TTC13: variants seen among roughly 807,000 people sequenced by gnomAD.
TTC13 encodes tetratricopeptide repeat domain 13.
A neutral mutation model predicts 120.0 loss-of-function variants in TTC13; 62 were observed. The observed-to-expected ratio is 0.52, with a 90% CI of 0.42 to 0.64. TTC13 has a LOEUF of 0.64. TTC13 is among the 30% of genes least tolerant of loss of function. The pLI is 0.00. For synonymous variants in TTC13, 384 were observed against 393.5 expected (o/e 0.98, Z 0.28); for missense variants, 824 against 1,050.2 (o/e 0.78, Z 2.98).
At position 230,933,734 on chromosome 1, in the gene TTC13, A is replaced by G. The variant is rs780175856; in HGVS notation, c.983+45T>C. 12 of 1,070,662 alleles carry G rather than the reference A, an allele frequency of 1.1e-5. No individual in the cohort carries two copies. In the East Asian group the frequency reaches 2.0e-4, roughly 18 times the overall value. The allele number at this position is 1,070,662 out of a possible 1,614,324, so 66.3% of individuals were successfully genotyped here. A position where few individuals can be genotyped will look rare whatever the true frequency, so the allele number is the denominator to read the frequency against. ...TTATGTGAAGCTATCTTGTCTCCCC[A>G]CTCTTCAGCCTCCCTCCTACCCCAA... On this transcript the variant is annotated intron_variant, in intron 9 of 22. Coordinates refer to ENST00000366661, the MANE Select transcript of TTC13 (RefSeq NM_024525.5).
intron 20 of TTC13, among the ~76,000 whole-genome samples, chr1:230,910,934 C>T (rs571555678): frequency 6.6e-6 from 1 of 152,210 alleles, no homozygotes; most frequent in South Asian, 2.1e-4. Flanking sequence ...ATTTACTGCA[C>T]ACAGTGCTGG....
At position 230,931,980 on chromosome 1, in the gene TTC13, T is replaced by C. The variant is rs529803467; in HGVS notation, c.984-103A>G. ...GGACCAATATGTAAACAAGATACCT[T>C]GATGGGAGTGTTCCCTTTGTTGCTT... On this transcript the variant is annotated intron_variant, in intron 9 of 22. Transcript: ENST00000366661. 1,495 of 1,116,106 alleles carry C rather than the reference T, an allele frequency of 1.3e-3. 2 individuals carry two copies. Among genetic ancestry groups the C allele is most frequent in the Non-Finnish European group, 1.7e-3 (1,339 of 777,262 alleles). The allele number at this position is 1,116,106 out of a possible 1,614,324, so 69.1% of individuals were successfully genotyped here.
Position 230,945,453 on chromosome 1 carries a change from T to C in TTC13, c.515A>G (p.Glu172Gly). The C allele has an allele frequency of 6.2e-7, 1 of 1,614,054 alleles. No homozygotes were observed. The highest frequency in any genetic ancestry group is 8.5e-7 in the Non-Finnish European group (1 of 1,179,936). ...AATTGCACTAACCAGATCAGGCTCC[T>C]CCTAGTCAGACCAAAACAAAAACAC... ...AIRHFSTMLQ[E>G]EPDLVSAIYG... is the part of the protein sequence containing the mutation. Residue 172 changes from glutamate to glycine, a missense_variant and splice_region_variant, in exon 5 of 23, where the codon GAG becomes GGG. Around this residue, in one of 4 missense-constraint regions of TTC13, gnomAD observed 430 missense variants for 626.8 expected, o/e 0.69. Transcript: ENST00000366661.
intron 8 of TTC13, among the ~76,000 whole-genome samples, chr1:230,937,990 T>G (rs191834613): frequency 0.014 from 2,098 of 152,304 alleles, 34 homozygotes; most frequent in Non-Finnish European, 0.02. Flanking sequence ...AGCACCTACT[T>G]TGTGACAGGC....
At chr1:230,930,335 T>C (rs1673422434) in intron 11 of TTC13, among the ~76,000 whole-genome samples, 1 of 152,188 alleles carries the variant, frequency 6.6e-6, no homozygotes, top group South Asian at 2.1e-4. Context: ...TCCACTTCTT[T>C]GATTTTCACT....
Position 230,911,491 on chromosome 1 carries a change from A to G in TTC13, c.2288T>C (p.Met763Thr), listed in dbSNP as rs771336830. The G allele has an allele frequency of 6.2e-7, 1 of 1,602,422 alleles. No homozygotes were observed. Among genetic ancestry groups the G allele is most frequent in the Admixed American group, 1.7e-5 (1 of 57,816 alleles). ...LSLVYYFYNL[M>T]PLSRGSSVIA... ...TTACCTGGATCCTCGAGAGAGTGGC[A>G]TTAAATTATAAAAGTAATAAACTAA... Residue 763 changes from methionine (M) to threonine (T), a missense_variant, in exon 20 of 23, where the codon ATG becomes ACG. Met to Thr is a moderately conservative substitution (Grantham distance 81). Coordinates refer to ENST00000366661, the MANE Select transcript of TTC13 (RefSeq NM_024525.5).
At chr1:230,962,334 T>G (rs1253293877) in intron 1 of TTC13, among the ~76,000 whole-genome samples, 1 of 152,076 alleles carries the variant, frequency 6.6e-6, no homozygotes, top group African/African-American at 2.4e-5. Flanking sequence ...ATTGAGCACA[T>G]GAAAAGTTGC....
rs1404865671 is a variant in TTC13 at position 230,944,372 on chromosome 1, T to C, written c.580-474A>G. Among the ~76,000 whole-genome samples the C allele has an allele frequency of 1.3e-5, 2 of 152,218 alleles. No homozygotes were observed. The highest frequency in any genetic ancestry group is 1.3e-4 in the Admixed American group (2 of 15,284). On this transcript the variant is annotated intron_variant, in intron 5 of 22. Coordinates refer to ENST00000366661, the MANE Select transcript of TTC13 (RefSeq NM_024525.5). This position sits in a 1 kb window ranked among gnomAD's most constrained non-coding sequence, Gnocchi z 4.0. ...TTGCACATTATTTTTACATTAAAAA[T>C]GCATGTGCAACTTTTTATTAAATAT...
rs537935826 is a variant in TTC13, at chr1:230,928,274, C to T, written c.1457+663G>A. On this transcript the variant is annotated intron_variant, in intron 12 of 22. Transcript: ENST00000366661. ...CAATCCATGAACATAGTATTTCTCACCATTTATTTGTTTTATCTTAGTAAC... is the reference window on the plus strand; with the variant it reads ...CAATCCATGAACATAGTATTTCTCATCATTTATTTGTTTTATCTTAGTAAC... 2.7e-4 allele frequency among the ~76,000 whole-genome samples: 41 copies of T among 152,254 alleles called. 1 individual carries two copies. Among genetic ancestry groups the T allele is most frequent in the African/African-American group, 8.9e-4 (37 of 41,542 alleles).
At chr1:230,911,323 TA>T (rs1251963709) in intron 20 of TTC13, 146 bp downstream of exon 20, 55 of 542,184 alleles carry the variant, frequency 1.0e-4, no homozygotes, top group Middle Eastern at 9.4e-4. Flanking sequence ...ACTAAGGAAA[TA>T]TTTTTTTGTG....
chr1:230,940,816 T>C lies in TTC13; in HGVS notation c.673-260A>G, dbSNP rs1310239376. 6.6e-6 allele frequency among the ~76,000 whole-genome samples: 1 copy of C among 152,244 alleles called. No homozygotes were observed. The highest frequency in any genetic ancestry group is 1.9e-4 in the East Asian group (1 of 5,190). Reference sequence around the variant, plus strand: ...TGTCACTATTTCACATTCTGGGTTGTATCAGATGTTGCTTTTCCTGCAATG... The same window carrying C: ...TGTCACTATTTCACATTCTGGGTTGCATCAGATGTTGCTTTTCCTGCAATG... On this transcript the variant is annotated intron_variant, in intron 6 of 22. Transcript: ENST00000366661. The surrounding 1 kb of genome is among the most constrained non-coding windows in gnomAD (Gnocchi z 4.1).
At chr1:230,936,365 A>G in intron 8 of TTC13, 1 of 391,662 alleles carries the variant, frequency 2.6e-6, no homozygotes, top group Non-Finnish European at 5.0e-6. Context: ...ACTGGCTCTG[A>G]ATTAATTTGC....
At chr1:230,907,183 A>C (rs977862032) in intron 22 of TTC13, among the ~76,000 whole-genome samples, 164 bp from the exon 23 acceptor site, 2 of 152,232 alleles carry the variant, frequency 1.3e-5, no homozygotes, top group Non-Finnish European at 2.9e-5. Context: ...GGCTCCTCTC[A>C]CAACAACGGC....
In TTC13 at chr1:230,916,989, A is replaced by AT. The variant is rs57387084; in HGVS notation, c.1984-688dup. Reference sequence around the variant, plus strand: ...AAATTTAGTTAACTTAATATTGCCAATTTTTTTTTTTAATTGATGGACTGG... The same window carrying AT: ...AAATTTAGTTAACTTAATATTGCCAATTTTTTTTTTTTAATTGATGGACTGG... On this transcript the variant is annotated intron_variant, in intron 17 of 22. Transcript: ENST00000366661. 9.3e-3 allele frequency among the ~76,000 whole-genome samples: 1,390 copies of AT among 149,274 alleles called. 13 individuals carry two copies. The highest frequency in any genetic ancestry group is 0.014 in the Non-Finnish European group (935 of 67,044).
intron 18 of TTC13, among the ~76,000 whole-genome samples, chr1:230,915,638 G>C (rs1671940611): frequency 6.6e-6 from 1 of 152,072 alleles, no homozygotes; most frequent in South Asian, 2.1e-4. Context: ...ATAATGTAAT[G>C]GTAAGGGTAA....
chr1:230,962,151 C>T (rs1044193052), intron 1 of TTC13, among the ~76,000 whole-genome samples: 1 of 151,012 alleles, frequency 6.6e-6, no homozygotes, highest in African/African-American at 2.4e-5. Context: ...CAGAGGTTGC[C>T]GTGAGCCGAG....
Position 230,908,999 on chromosome 1 carries a change from G to A in TTC13, c.2331C>T (p.Ile777=), listed in dbSNP as rs150613941. ...TTCCACTTGCCATCAGTGCTCCCAC[G>A]ATGACCGAGTAAGCAATTACACTAT... is the stretch of plus-strand genomic sequence containing the variant. ...RGSSVIAYSV[I]VGALMASGKE... is the part of the protein sequence containing the mutation. The change falls in exon 21 of 23, where the codon ATC becomes ATT. Residue 777 remains isoleucine (I), a synonymous_variant. Coordinates refer to ENST00000366661, the MANE Select transcript of TTC13 (RefSeq NM_024525.5). 9.4e-5 allele frequency: 151 copies of A among 1,613,966 alleles called. No individual in the cohort carries two copies. Among genetic ancestry groups the A allele is most frequent in the African/African-American group, 7.5e-4 (56 of 74,986 alleles).
intron 1 of TTC13, among the ~76,000 whole-genome samples, chr1:230,968,195 C>G (rs1291237490): frequency 3.2e-5 from 4 of 126,686 alleles, no homozygotes; most frequent in Non-Finnish European, 6.8e-5. Flanking sequence ...GGGGGGGGGG[C>G]CTTTTTGTTT....
intron 12 of TTC13, among the ~76,000 whole-genome samples, chr1:230,927,566 G>A (rs1217421985): frequency 6.6e-6 from 1 of 151,962 alleles, no homozygotes; most frequent in Admixed American, 6.6e-5. Flanking sequence ...TTTTTAATTT[G>A]TAGTGATACT....
Sources: gnomAD v4.1 joint callset for allele counts (sites outside exome capture counted in the v4.1 genomes callset) on GRCh38, gnomAD v4.1.1 for gene constraint, gnomAD v4.1.1 regional missense constraint, Gnocchi (gnomAD v3.1) non-coding constraint, MANE v1.5 for transcripts, NCBI Gene and HGNC (gene_info 2026-07-23, HGNC 2026-07-21) for gene names.